The following RIT2 variants were observed in gnomAD, a reference collection of about 807,000 sequenced individuals.
The protein encoded by RIT2 is Ras like without CAAX 2.
Under a neutral mutation model 23.7 loss-of-function variants are expected in RIT2, and 24 were observed. The observed-to-expected ratio is 1.01, with a 90% CI of 0.73 to 1.43. The LOEUF (loss-of-function observed/expected upper bound fraction) is 1.43, where lower values mean the gene tolerates loss of function less well. Among genes scored for constraint, RIT2 ranks in the 40% most tolerant of loss-of-function variants. RIT2 has a pLI of 0.00. For missense variants in RIT2, 236 were observed against 266.9 expected (o/e 0.88, Z 0.81); for synonymous variants, 107 against 91.1 (o/e 1.17, Z -0.99).
intron 1 of RIT2, among the ~76,000 whole-genome samples, chr18:43,050,592 T>C (rs1034049857): frequency 3.3e-5 from 5 of 152,058 alleles, no homozygotes; most frequent in African/African-American, 9.7e-5. Flanking sequence ...GTTGGATGTA[T>C]TGGGCCTCAG....
At chr18:43,103,818 T>C (rs946101695) in intron 1 of RIT2, among the ~76,000 whole-genome samples, 1 of 152,266 alleles carries the variant, frequency 6.6e-6, no homozygotes, top group East Asian at 1.9e-4. Flanking sequence ...CTTAGTTGTT[T>C]GGGGAGGAGA....
intron 4 of RIT2, among the ~76,000 whole-genome samples, chr18:42,788,468 T>TAG (rs931528727): frequency 5.3e-5 from 8 of 152,318 alleles, no homozygotes; most frequent in African/African-American, 1.9e-4. Context: ...TGGTCAATCT[T>TAG]GCAATTTGAA....
intron 1 of RIT2, among the ~76,000 whole-genome samples, chr18:43,075,730 T>C (rs563719392): frequency 6.6e-6 from 1 of 152,202 alleles, no homozygotes; most frequent in East Asian, 1.9e-4. Context: ...TGCTGCCATT[T>C]TGCCTCTTGC....
chr18:42,832,958 G>A (rs1416226927), intron 4 of RIT2, among the ~76,000 whole-genome samples: 1 of 150,368 alleles, frequency 6.7e-6, no homozygotes, highest in Admixed American at 6.6e-5. Flanking sequence ...GGAGGCTGAG[G>A]CAGGAGAATC....
intron 4 of RIT2, among the ~76,000 whole-genome samples, chr18:42,856,997 T>G (rs1384547371): frequency 6.6e-6 from 1 of 151,768 alleles, no homozygotes; most frequent in East Asian, 1.9e-4. Flanking sequence ...CCCGGCTAAT[T>G]TTTTGTATTT....
intron 4 of RIT2, among the ~76,000 whole-genome samples, chr18:42,919,897 T>C (rs528609446): frequency 2.5e-4 from 38 of 152,202 alleles, no homozygotes; most frequent in African/African-American, 8.2e-4. Context: ...CCTGCATGAA[T>C]AGGGACAAAG....
intron 4 of RIT2, among the ~76,000 whole-genome samples, chr18:42,779,026 T>C (rs1431120559): frequency 6.6e-6 from 1 of 152,168 alleles, no homozygotes; most frequent in Admixed American, 6.5e-5. Flanking sequence ...CAGCACATTA[T>C]AAAAATCAGA....
intron 4 of RIT2, among the ~76,000 whole-genome samples, chr18:42,908,539 CAG>C (rs925234011): frequency 3.9e-5 from 6 of 152,074 alleles, no homozygotes; most frequent in Admixed American, 3.9e-4. Context: ...ATCATTAAAA[CAG>C]AGAAAACTGC....
intron 1 of RIT2, among the ~76,000 whole-genome samples, chr18:43,102,432 C>T (rs1428674470): frequency 6.7e-6 from 1 of 149,674 alleles, no homozygotes; most frequent in African/African-American, 2.5e-5. Context: ...CTCACTCCAA[C>T]CCTCAGGAAA....
intron 2 of RIT2, among the ~76,000 whole-genome samples, chr18:42,986,030 G>C (rs550129958): frequency 1.3e-5 from 2 of 150,420 alleles, no homozygotes; most frequent in South Asian, 4.2e-4. Flanking sequence ...AATATGTATG[G>C]TTTTTTCTTT....
intron 1 of RIT2, among the ~76,000 whole-genome samples, chr18:43,079,147 C>T (rs1289616109): frequency 1.3e-5 from 2 of 152,138 alleles, no homozygotes; most frequent in Non-Finnish European, 2.9e-5. Context: ...AATACAGAGC[C>T]TTACAAATCA....
At chr18:43,086,219 T>A (rs1172316216) in intron 1 of RIT2, among the ~76,000 whole-genome samples, 2 of 152,160 alleles carry the variant, frequency 1.3e-5, no homozygotes, top group East Asian at 3.9e-4. Context: ...ATGTTAACAC[T>A]CAAAAAGTTT....
At chr18:42,797,884 A>G (rs1272634738) in intron 4 of RIT2, among the ~76,000 whole-genome samples, 1 of 152,170 alleles carries the variant, frequency 6.6e-6, no homozygotes, top group African/African-American at 2.4e-5. Context: ...AAGACATACA[A>G]TGCTTACAAG....
intron 4 of RIT2, among the ~76,000 whole-genome samples, chr18:42,902,751 G>A (rs914640928): frequency 6.6e-6 from 1 of 151,176 alleles, no homozygotes; most frequent in African/African-American, 2.4e-5. Flanking sequence ...AACAATAAGA[G>A]AGTTAAAAAA....
intron 3 of RIT2, among the ~76,000 whole-genome samples, chr18:42,960,912 T>A (rs1321775446): frequency 6.6e-6 from 1 of 152,206 alleles, no homozygotes; most frequent in African/African-American, 2.4e-5. Flanking sequence ...TATGTATTTG[T>A]ATACTTTTAA....
At chr18:42,991,937 T>C (rs2144228961) in intron 2 of RIT2, among the ~76,000 whole-genome samples, 1 of 152,310 alleles carries the variant, frequency 6.6e-6, no homozygotes, top group South Asian at 2.1e-4. Context: ...TTTTGTGGTC[T>C]CTTCACACAG....
intron 3 of RIT2, among the ~76,000 whole-genome samples, chr18:42,962,960 T>G (rs2144188578): frequency 6.6e-6 from 1 of 152,288 alleles, no homozygotes; most frequent in Non-Finnish European, 1.5e-5. Context: ...TGAGACAATA[T>G]ATTTTCCAAC....
rs187912566 is a variant in RIT2, at chr18:42,996,116, G to A, written c.161-21969C>T. ...CCTGTTTTTCTCCTTCTCTTATTCC[G>A]TTTAGTTTTTCAATTCATACAAAAC... On this transcript the variant is annotated intron_variant, in intron 2 of 4. Coordinates refer to ENST00000326695, the MANE Select transcript of RIT2 (RefSeq NM_002930.4). 6.2e-3 allele frequency among the ~76,000 whole-genome samples: 948 copies of A among 151,970 alleles called. 13 individuals are homozygous for A. Among genetic ancestry groups the A allele is most frequent in the African/African-American group, 0.022 (912 of 41,430 alleles).
intron 4 of RIT2, among the ~76,000 whole-genome samples, chr18:42,832,228 G>A (rs1041478564): frequency 1.3e-5 from 2 of 152,298 alleles, no homozygotes; most frequent in African/African-American, 4.8e-5. Flanking sequence ...TAATCATTTA[G>A]TATTTGGTCA....
Sources: gnomAD v4.1 joint callset for allele counts (sites outside exome capture counted in the v4.1 genomes callset) on GRCh38, gnomAD v4.1.1 for gene constraint, MANE v1.5 for transcripts, NCBI Gene and HGNC (gene_info 2026-07-23, HGNC 2026-07-21) for gene names.